GLDC: variants seen among roughly 807,000 people sequenced by gnomAD.
GLDC encodes glycine decarboxylase, also known as glycine dehydrogenase (decarboxylating), mitochondrial.
Under a neutral mutation model 121.3 loss-of-function variants are expected in GLDC, and 104 were observed. The observed-to-expected ratio is 0.86, with a 90% confidence interval of 0.73 to 1.01. The LOEUF (loss-of-function observed/expected upper bound fraction) is 1.01, where lower values mean the gene tolerates loss of function less well. GLDC is among the 50% of genes least tolerant of loss of function. The probability of loss-of-function intolerance (pLI) is 0.00; values close to 1 mark genes in which losing one functional copy is unlikely to be tolerated. For missense variants in GLDC, 1,429 were observed against 1,306.6 expected (o/e 1.09, Z -1.44); for synonymous variants, 546 against 480.6 (o/e 1.14, Z -1.78).
At chr9:6,591,459 C>T (rs954088423) in intron 11 of GLDC, among the ~76,000 whole-genome samples, 2 of 152,106 alleles carry the variant, frequency 1.3e-5, no homozygotes, top group Non-Finnish European at 2.9e-5. Flanking sequence ...GTCTTCAGGG[C>T]CTAGCATAGC....
intron 2 of GLDC, among the ~76,000 whole-genome samples, chr9:6,641,495 G>A (rs1363994572): frequency 6.6e-6 from 1 of 152,204 alleles, no homozygotes; most frequent in Non-Finnish European, 1.5e-5. Context: ...TGAAGAGAGA[G>A]CAAAGTAGTG....
intron 3 of GLDC, among the ~76,000 whole-genome samples, chr9:6,616,603 T>G (rs1818971444): frequency 6.6e-6 from 1 of 152,210 alleles, no homozygotes; most frequent in Non-Finnish European, 1.5e-5. Flanking sequence ...TTACAAGAGT[T>G]TGACTCAATT....
intron 24 of GLDC, 111 bp downstream of exon 24, chr9:6,534,597 A>G: frequency 1.4e-6 from 1 of 704,726 alleles, no homozygotes; most frequent in Middle Eastern, 2.3e-4. Flanking sequence ...CTTATTTCAC[A>G]AGGTGCCCCA....
rs942555164 is a variant in GLDC at position 6,604,508 on chromosome 9, A to G, written c.1058+80T>C. 1.6e-5 allele frequency: 20 copies of G among 1,286,094 alleles called. No homozygotes were observed. In the African/African-American group the frequency reaches 2.3e-4, roughly 15 times the overall value. 79.7% of individuals were successfully genotyped at this position (1,286,094 alleles called of 1,614,324 possible). On this transcript the variant is annotated intron_variant, in intron 7 of 24. Transcript: ENST00000321612. ...CTCAACATGGCCCAGTTGAATTCAGATAGAAATCAACATTTGTGATCAGAA... is the reference window on the plus strand; with the variant it reads ...CTCAACATGGCCCAGTTGAATTCAGGTAGAAATCAACATTTGTGATCAGAA...
chr9:6,623,944 A>G (rs1819176211), intron 2 of GLDC, among the ~76,000 whole-genome samples: 1 of 152,210 alleles, frequency 6.6e-6, no homozygotes, highest in South Asian at 2.1e-4. Flanking sequence ...TTCAATTATG[A>G]TCCTGTGCAG....
intron 3 of GLDC, among the ~76,000 whole-genome samples, chr9:6,616,131 T>C (rs182960792): frequency 6.6e-6 from 1 of 152,368 alleles, no homozygotes; most frequent in East Asian, 1.9e-4. Context: ...CCATTGGCTC[T>C]TGAAAAGTTG....
At position 6,613,997 on chromosome 9, in the gene GLDC, G is replaced by A. The variant is rs184460735; in HGVS notation, c.471-3641C>T. On this transcript the variant is annotated intron_variant, in intron 3 of 24. Coordinates refer to ENST00000321612, the MANE Select transcript of GLDC (RefSeq NM_000170.3). ...TCACCATGTTGGCCAGGCTGGTCTCGAACTCCTGACCTCAGGTGATCTGCC... is the reference window on the plus strand; with the variant it reads ...TCACCATGTTGGCCAGGCTGGTCTCAAACTCCTGACCTCAGGTGATCTGCC... Among the ~76,000 whole-genome samples the A allele has an allele frequency of 1.2e-4, 18 of 150,208 alleles. No homozygotes were observed. In the East Asian group the frequency reaches 2.2e-3, roughly 18 times the overall value.
At chr9:6,547,914 G>T (rs1817431284) in intron 21 of GLDC, among the ~76,000 whole-genome samples, 3 of 152,184 alleles carry the variant, frequency 2.0e-5, no homozygotes, top group Admixed American at 2.0e-4. Flanking sequence ...AGGATCACTA[G>T]AGCAGAGGAG....
intron 2 of GLDC, chr9:6,639,500 T>C: frequency 2.4e-6 from 2 of 850,816 alleles, no homozygotes; most frequent in East Asian, 2.4e-5. Context: ...ATGACAATGA[T>C]GTGGCCAAGG....
In GLDC at chr9:6,588,348, A is replaced by T. The variant is rs1003184907; in HGVS notation, c.1707+53T>A. The T allele has an allele frequency of 6.4e-6, 8 of 1,242,386 alleles. No homozygotes were observed. The African/African-American group carries it at 1.0e-4, about 16-fold the overall frequency. The allele number at this position is 1,242,386 out of a possible 1,614,324, so 77.0% of individuals were successfully genotyped here. A position where few individuals can be genotyped will look rare whatever the true frequency, so the allele number is the denominator to read the frequency against. On this transcript the variant is annotated intron_variant, in intron 14 of 24. Transcript: ENST00000321612. The stretch of plus-strand genomic sequence containing the variant: ...TTCACTAGTTCTGGGCTTAGGTGGA[A>T]GCTAGAACACTGCCCCTTGCTGAGT...
chr9:6,602,368 T>C (rs983568293), intron 7 of GLDC, among the ~76,000 whole-genome samples, 163 bp from the exon 8 acceptor site: 10 of 151,958 alleles, frequency 6.6e-5, no homozygotes, highest in Non-Finnish European at 1.5e-4. Flanking sequence ...CATCTAAACA[T>C]GATTACTGAT....
At chr9:6,567,258 A>G (rs189790179) in intron 15 of GLDC, 1 of 152,358 alleles carries the variant, frequency 6.6e-6, no homozygotes, top group Non-Finnish European at 1.5e-5. Context: ...AAGAAAGGCA[A>G]AGACTGCTCT....
chr9:6,541,687 G>A (rs1190827048), intron 21 of GLDC: 4 of 151,860 alleles, frequency 2.6e-5, no homozygotes, highest in Non-Finnish European at 5.9e-5. Flanking sequence ...AATTAGCCAG[G>A]TGTAGGGGCG....
chr9:6,612,998 C>T (rs1227044504), intron 3 of GLDC, among the ~76,000 whole-genome samples: 2 of 152,100 alleles, frequency 1.3e-5, no homozygotes, highest in African/African-American at 4.8e-5. Flanking sequence ...ACAAAACGTT[C>T]TCGTTTTTAT....
At chr9:6,630,223 C>T (rs1472818020) in intron 2 of GLDC, among the ~76,000 whole-genome samples, 9 of 151,776 alleles carry the variant, frequency 5.9e-5, no homozygotes, top group African/African-American at 2.2e-4. Flanking sequence ...GAGCCGAGAT[C>T]GTGCCACTGC....
rs1416262474 is a variant in GLDC at position 6,620,298 on chromosome 9, G to A, written c.356C>T (p.Thr119Ile). ...DPVCENEILA[T>I]LHAISSKNQI... ...GTTTTTGCTTGAAATGGCATGCAGA[G>A]TTGCAAGGATTTCATTTTCACCTAA... Residue 119 changes from threonine (T) to isoleucine (I), a missense_variant, in exon 3 of 25, where the codon ACT becomes ATT. Thr to Ile is a moderately conservative substitution (Grantham distance 89). Coordinates refer to ENST00000321612, the MANE Select transcript of GLDC (RefSeq NM_000170.3). 11 of 1,613,534 alleles carry A rather than the reference G, an allele frequency of 6.8e-6. No individual in the cohort carries two copies. In the East Asian group the frequency reaches 1.3e-4, roughly 20 times the overall value.
chr9:6,604,950 A>G (rs575717274), intron 6 of GLDC, among the ~76,000 whole-genome samples, 166 bp from the exon 7 acceptor site: 1 of 152,168 alleles, frequency 6.6e-6, no homozygotes, highest in Non-Finnish European at 1.5e-5. Context: ...AGTGCCCACC[A>G]TGTGCCAGGA....
intron 16 of GLDC, 76 bp from the exon 17 acceptor site, chr9:6,558,760 C>T: frequency 6.7e-7 from 1 of 1,486,068 alleles, no homozygotes; most frequent in Non-Finnish European, 9.4e-7. Context: ...AGTACTACAA[C>T]ATGCTTGTAG....
At chr9:6,600,594 C>G (rs762875255) in intron 8 of GLDC, among the ~76,000 whole-genome samples, 2 of 151,624 alleles carry the variant, frequency 1.3e-5, no homozygotes, top group African/African-American at 2.4e-5. Flanking sequence ...CACTTGAACC[C>G]AGGAGGCAGA....
Sources: gnomAD v4.1 joint callset for allele counts (sites outside exome capture counted in the v4.1 genomes callset) on GRCh38, gnomAD v4.1.1 for gene constraint, MANE v1.5 for transcripts, NCBI Gene and HGNC (gene_info 2026-07-23, HGNC 2026-07-21) for gene names.